MARCHF1: variants seen among roughly 807,000 people sequenced by gnomAD.
MARCHF1 encodes the protein membrane associated ring-CH-type finger 1, also known as E3 ubiquitin-protein ligase MARCHF1.
A neutral mutation model predicts 54.2 loss-of-function variants in MARCHF1; 40 were observed. The observed-to-expected ratio is 0.74, with a 90% CI of 0.57 to 0.96. The LOEUF (loss-of-function observed/expected upper bound fraction) is 0.96, where lower values mean the gene tolerates loss of function less well. Ranked by LOEUF, MARCHF1 falls within the 40% of genes least tolerant of loss-of-function variation. The pLI is 0.00. For missense variants in MARCHF1, 586 were observed against 656.5 expected, an observed-to-expected ratio of 0.89 and a Z score of 1.17; for synonymous variants, 236 against 236.3, an observed-to-expected ratio of 1.00 and a Z score of 0.01.
intron 4 of MARCHF1, among the ~76,000 whole-genome samples, chr4:163,828,249 A>C (rs1007966575): frequency 6.6e-6 from 1 of 152,328 alleles, no homozygotes; most frequent in South Asian, 2.1e-4. Context: ...ACGGCAAAGT[A>C]CTTTTAACTA....
At chr4:164,224,493 T>C (rs1401381541) in intron 1 of MARCHF1, among the ~76,000 whole-genome samples, 2 of 151,968 alleles carry the variant, frequency 1.3e-5, no homozygotes, top group Non-Finnish European at 2.9e-5. Flanking sequence ...CTTTCATCCA[T>C]CTACCTACAT....
At chr4:163,948,162 T>C (rs1193383410) in intron 3 of MARCHF1, among the ~76,000 whole-genome samples, 2 of 152,182 alleles carry the variant, frequency 1.3e-5, no homozygotes, top group African/African-American at 4.8e-5. Flanking sequence ...GCACAAAACA[T>C]GCATTTTAAA....
chr4:164,330,421 T>C (rs1735405165), intron 1 of MARCHF1, among the ~76,000 whole-genome samples: 1 of 152,172 alleles, frequency 6.6e-6, no homozygotes, highest in Admixed American at 6.6e-5. Context: ...TGAAGCTGCC[T>C]CTGCTGCCAA....
At chr4:164,129,897 A>C (rs1322276630) in intron 1 of MARCHF1, 1 of 152,170 alleles carries the variant, frequency 6.6e-6, no homozygotes, top group Non-Finnish European at 1.5e-5. Context: ...ACATTTACCT[A>C]TGTAACAAAC....
chr4:163,533,812 G>T (rs1281161836), intron 9 of MARCHF1, among the ~76,000 whole-genome samples: 1 of 151,332 alleles, frequency 6.6e-6, no homozygotes, highest in Admixed American at 6.6e-5. Context: ...TTAGGTATTT[G>T]GAAATTGGTA....
At chr4:163,689,589 T>C (rs1744379009) in intron 5 of MARCHF1, among the ~76,000 whole-genome samples, 1 of 152,230 alleles carries the variant, frequency 6.6e-6, no homozygotes, top group Non-Finnish European at 1.5e-5. Context: ...ATGGCTACCA[T>C]ACTGGATAGT....
chr4:163,797,096 CT>C (rs914680001), intron 4 of MARCHF1, among the ~76,000 whole-genome samples: 5 of 151,340 alleles, frequency 3.3e-5, no homozygotes, highest in Non-Finnish European at 5.9e-5. Context: ...AATTTCCAAT[CT>C]TTTTTTTTCT....
intron 7 of MARCHF1, among the ~76,000 whole-genome samples, chr4:163,598,563 A>G (rs1238904579): frequency 6.6e-6 from 1 of 152,338 alleles, no homozygotes; most frequent in East Asian, 1.9e-4. Flanking sequence ...ACTGTACTGA[A>G]TACTGTGGAC....
intron 9 of MARCHF1, among the ~76,000 whole-genome samples, chr4:163,532,229 G>A (rs1299056303): frequency 6.6e-6 from 1 of 151,824 alleles, no homozygotes; most frequent in Non-Finnish European, 1.5e-5. Context: ...TGGTATCAAT[G>A]AAAGAATAAA....
At chr4:163,737,213 AATT>A (rs1746069152) in intron 4 of MARCHF1, among the ~76,000 whole-genome samples, 1 of 14,454 alleles carries the variant, frequency 6.9e-5, no homozygotes, top group African/African-American at 1.8e-4. Flanking sequence ...TATTTTTTTT[AATT>A]TTTTTTTTTT....
At chr4:164,046,634 C>T (rs563669909) in intron 2 of MARCHF1, among the ~76,000 whole-genome samples, 1 of 152,184 alleles carries the variant, frequency 6.6e-6, no homozygotes, top group East Asian at 1.9e-4. Context: ...AGTTTTTAAT[C>T]TAAGATAAGA....
intron 4 of MARCHF1, among the ~76,000 whole-genome samples, chr4:163,774,407 C>T (rs1431928857): frequency 6.6e-6 from 1 of 151,634 alleles, no homozygotes; most frequent in Non-Finnish European, 1.5e-5. Flanking sequence ...CGGTCATTTA[C>T]ATGTGATCTC....
chr4:163,832,900 T>C (rs36154115), intron 4 of MARCHF1, among the ~76,000 whole-genome samples: 60,149 of 151,414 alleles, frequency 0.4, 12,240 homozygotes, highest in East Asian at 0.54. Context: ...TTCATCCATG[T>C]CCCTACAAAG....
intron 5 of MARCHF1, among the ~76,000 whole-genome samples, chr4:163,621,118 T>C (rs929854366): frequency 2.0e-5 from 3 of 152,322 alleles, no homozygotes; most frequent in Non-Finnish European, 4.4e-5. Flanking sequence ...ATCTGATAAC[T>C]GTTTTGTAGA....
chr4:163,966,693 T>A (rs1159151202), intron 3 of MARCHF1, among the ~76,000 whole-genome samples: 2 of 152,158 alleles, frequency 1.3e-5, no homozygotes, highest in African/African-American at 4.8e-5. Context: ...CATATTCTTA[T>A]TAGCATCACA....
At chr4:164,220,086 C>T (rs1331763377) in intron 1 of MARCHF1, among the ~76,000 whole-genome samples, 4 of 151,614 alleles carry the variant, frequency 2.6e-5, no homozygotes, top group East Asian at 1.9e-4. Flanking sequence ...CTATCTAAAT[C>T]CCTCCTTCCG....
intron 1 of MARCHF1, among the ~76,000 whole-genome samples, chr4:164,347,766 TA>T (rs1204865710): frequency 3.3e-5 from 5 of 152,142 alleles, no homozygotes; most frequent in Non-Finnish European, 7.4e-5. Context: ...TCATGGACAT[TA>T]ATTTAGGGAT....
chr4:164,342,773 A>G (rs892824067), intron 1 of MARCHF1, among the ~76,000 whole-genome samples: 1 of 152,114 alleles, frequency 6.6e-6, no homozygotes, highest in African/African-American at 2.4e-5. Context: ...GCAAACACAC[A>G]CACACAAAAA....
intron 1 of MARCHF1, chr4:164,188,747 A>G: frequency 1.0e-6 from 1 of 981,478 alleles, no homozygotes; most frequent in Non-Finnish European, 1.7e-6. Flanking sequence ...TGAAAAGAAA[A>G]CTAAACCATA....
Sources: allele counts gnomAD v4.1 joint callset (sites outside exome capture counted in the v4.1 genomes callset), GRCh38; gene constraint gnomAD v4.1.1; transcripts MANE v1.5; gene names NCBI Gene and HGNC (gene_info 2026-07-23, HGNC 2026-07-21).